The following TMEM123 variants were observed in gnomAD, a reference collection of about 807,000 sequenced individuals.
TMEM123 encodes the protein transmembrane protein 123.
In TMEM123, 16 loss-of-function variants were observed where a neutral mutation model predicts 19.7. That is an observed-to-expected ratio of 0.81 (90% confidence interval 0.55 to 1.23). The LOEUF (loss-of-function observed/expected upper bound fraction) is 1.23, where lower values mean the gene tolerates loss of function less well. Among genes scored for constraint, TMEM123 ranks in the 50% most tolerant of loss-of-function variants. TMEM123 has a pLI of 0.00. For missense variants in TMEM123, 313 were observed against 257.8 expected, an observed-to-expected ratio of 1.21 and a Z score of -1.47; for synonymous variants, 118 against 99.4, an observed-to-expected ratio of 1.19 and a Z score of -1.12.
At chr11:102,452,380 C>T (rs1334363079) in intron 1 of TMEM123, 144 bp downstream of exon 1, 3 of 648,832 alleles carry the variant, frequency 4.6e-6, no homozygotes, top group East Asian at 6.9e-5. Context: ...TTTCCCCCAC[C>T]CCGCCCGGTC....
intron 2 of TMEM123, among the ~76,000 whole-genome samples, chr11:102,408,745 G>A (rs1305786436): frequency 6.6e-6 from 1 of 152,180 alleles, no homozygotes; most frequent in Non-Finnish European, 1.5e-5. Context: ...CATGGTTACC[G>A]TAACTACCAT....
In TMEM123 at chr11:102,434,508, T is replaced by C. The variant is rs1285832465; in HGVS notation, c.157+14304A>G. Among the ~76,000 whole-genome samples the C allele has an allele frequency of 2.6e-5, 4 of 151,970 alleles. 1 individual carries two copies. The highest frequency in any genetic ancestry group is 5.9e-5 in the Non-Finnish European group (4 of 67,908). On this transcript the variant is annotated intron_variant, in intron 2 of 4. Coordinates refer to ENST00000398136, the MANE Select transcript of TMEM123 (RefSeq NM_052932.3). Reference sequence around the variant, plus strand: ...TAATACTAACCCTTTAACAAATAAATGGCTTACAAATATTTTCTCCCAATC... The same window carrying C: ...TAATACTAACCCTTTAACAAATAAACGGCTTACAAATATTTTCTCCCAATC...
At chr11:102,429,021 C>G (rs770735018) in intron 2 of TMEM123, among the ~76,000 whole-genome samples, 2 of 152,134 alleles carry the variant, frequency 1.3e-5, no homozygotes, top group African/African-American at 2.4e-5. Context: ...TGGGTAGGCA[C>G]GAGATTCAAA....
intron 2 of TMEM123, among the ~76,000 whole-genome samples, chr11:102,405,972 C>A (rs926817696): frequency 2.6e-5 from 4 of 152,234 alleles, no homozygotes; most frequent in Non-Finnish European, 5.9e-5. Flanking sequence ...ATGACCCAAT[C>A]TTCTTCTGTA....
At chr11:102,419,250 GTTCA>G (rs1261409738) in intron 2 of TMEM123, among the ~76,000 whole-genome samples, 4 of 152,060 alleles carry the variant, frequency 2.6e-5, no homozygotes, top group South Asian at 2.1e-4. Flanking sequence ...TACTAAAAAC[GTTCA>G]TTCATTCATT....
chr11:102,432,689 G>A (rs1224763555), intron 2 of TMEM123, among the ~76,000 whole-genome samples: 3 of 152,250 alleles, frequency 2.0e-5, no homozygotes, highest in Non-Finnish European at 2.9e-5. Context: ...AATGTCTCCA[G>A]GGCATGTCAG....
chr11:102,443,532 T>C lies in TMEM123; in HGVS notation c.157+5280A>G, dbSNP rs371644110. On this transcript the variant is annotated intron_variant, in intron 2 of 4. Transcript: ENST00000398136. The stretch of plus-strand genomic sequence containing the variant: ...AACCGGATCCCTTCCTTATACATTA[T>C]ACAAAATTTCATTCGAGATGGATTA... Among the ~76,000 whole-genome samples the C allele has an allele frequency of 3.9e-5, 6 of 152,320 alleles. No homozygotes were observed. In the East Asian group the frequency reaches 1.2e-3, roughly 29 times the overall value.
chr11:102,443,531 A>C (rs943285809), intron 2 of TMEM123, among the ~76,000 whole-genome samples: 5 of 151,822 alleles, frequency 3.3e-5, no homozygotes, highest in Admixed American at 1.3e-4. Flanking sequence ...CTTATACATT[A>C]TACAAAATTT....
At chr11:102,437,686 G>A (rs919087383) in intron 2 of TMEM123, among the ~76,000 whole-genome samples, 2 of 152,100 alleles carry the variant, frequency 1.3e-5, no homozygotes, top group Non-Finnish European at 2.9e-5. Flanking sequence ...GTATGAGAGT[G>A]CACAGTGGTT....
intron 2 of TMEM123, among the ~76,000 whole-genome samples, chr11:102,430,298 T>C (rs1257579770): frequency 6.6e-6 from 1 of 152,200 alleles, no homozygotes; most frequent in Non-Finnish European, 1.5e-5. Context: ...TCGCATATCC[T>C]TTACTGTTTC....
At chr11:102,405,307 C>T (rs1280796424) in intron 2 of TMEM123, among the ~76,000 whole-genome samples, 3 of 152,146 alleles carry the variant, frequency 2.0e-5, no homozygotes, top group Admixed American at 1.3e-4. Flanking sequence ...CCGCCTCAGC[C>T]TCCCAAAGTG....
intron 2 of TMEM123, among the ~76,000 whole-genome samples, chr11:102,403,517 T>C (rs1218095720): frequency 6.6e-6 from 1 of 152,250 alleles, no homozygotes; most frequent in Non-Finnish European, 1.5e-5. Context: ...ATGAAAGCTT[T>C]TAATATGTCT....
At chr11:102,443,121 T>C (rs1857844848) in intron 2 of TMEM123, among the ~76,000 whole-genome samples, 1 of 152,108 alleles carries the variant, frequency 6.6e-6, no homozygotes, top group African/African-American at 2.4e-5. Flanking sequence ...GCCATACTGC[T>C]CAAGGTAATT....
chr11:102,401,321 AT>A (rs1275043458), intron 4 of TMEM123, among the ~76,000 whole-genome samples: 3 of 152,186 alleles, frequency 2.0e-5, no homozygotes, highest in African/African-American at 7.2e-5. Flanking sequence ...AGTAAAATAC[AT>A]TTTTTTAAGT....
chr11:102,412,405 G>C (rs977750820), intron 2 of TMEM123, among the ~76,000 whole-genome samples: 3 of 152,122 alleles, frequency 2.0e-5, no homozygotes, highest in Non-Finnish European at 2.9e-5. Context: ...TCCAGCCTGG[G>C]CAACAGTGCA....
chr11:102,440,117 A>G (rs1857808568), intron 2 of TMEM123, among the ~76,000 whole-genome samples: 1 of 152,204 alleles, frequency 6.6e-6, no homozygotes, highest in African/African-American at 2.4e-5. Flanking sequence ...CAAGTTGGAA[A>G]ACACTCTTCA....
At chr11:102,408,919 G>C (rs1346049666) in intron 2 of TMEM123, among the ~76,000 whole-genome samples, 2 of 152,148 alleles carry the variant, frequency 1.3e-5, no homozygotes, top group Non-Finnish European at 2.9e-5. Flanking sequence ...CATTTTTCTA[G>C]TTTCAAGTAA....
chr11:102,443,687 T>C (rs1043220564), intron 2 of TMEM123, among the ~76,000 whole-genome samples: 3 of 152,112 alleles, frequency 2.0e-5, no homozygotes, highest in African/African-American at 4.8e-5. Context: ...AAAGCCAAAA[T>C]AGACGAATGG....
At chr11:102,449,025 A>T (rs1857912001) in intron 1 of TMEM123, 157 bp from the exon 2 acceptor site, 2 of 668,280 alleles carry the variant, frequency 3.0e-6, no homozygotes, top group Non-Finnish European at 5.2e-6. Context: ...TATGAAACAT[A>T]TCTTGAAGCT....
Sources: allele counts gnomAD v4.1 joint callset (sites outside exome capture counted in the v4.1 genomes callset), GRCh38; gene constraint gnomAD v4.1.1; transcripts MANE v1.5; gene names NCBI Gene and HGNC (gene_info 2026-07-23, HGNC 2026-07-21).